CDC45: variants seen among roughly 807,000 people sequenced by gnomAD.
CDC45 encodes cell division control protein 45 homolog.
In CDC45, 54 loss-of-function variants were observed where a neutral mutation model predicts 77.8. The observed-to-expected ratio is 0.69, with a 90% CI of 0.56 to 0.87. CDC45 has a LOEUF of 0.87. CDC45 is among the 40% of genes least tolerant of loss of function. The pLI is 0.00. For missense variants in CDC45, 649 were observed against 721.6 expected (o/e 0.90, Z 1.15); for synonymous variants, 260 against 272.1 (o/e 0.96, Z 0.44).
At chr22:19,508,902 T>C (rs911800743) in intron 13 of CDC45, among the ~76,000 whole-genome samples, 1 of 152,238 alleles carries the variant, frequency 6.6e-6, no homozygotes, top group Non-Finnish European at 1.5e-5. Context: ...GAATCTTTTT[T>C]GGCTTTTTTT....
intron 10 of CDC45, among the ~76,000 whole-genome samples, chr22:19,506,795 A>C (rs1452370319): frequency 6.6e-6 from 1 of 152,146 alleles, no homozygotes; most frequent in Admixed American, 6.5e-5. Context: ...TCAGCCAGGC[A>C]TGGTGGCGGG....
At chr22:19,514,613 C>A in intron 13 of CDC45, 136 bp from the exon 14 acceptor site, 1 of 685,456 alleles carries the variant, frequency 1.5e-6, no homozygotes, top group Non-Finnish European at 2.5e-6. Flanking sequence ...AAAGACAACT[C>A]AGGAGGGAAA....
chr22:19,501,608 C>T (rs1932904585), intron 9 of CDC45, among the ~76,000 whole-genome samples: 1 of 152,158 alleles, frequency 6.6e-6, no homozygotes, highest in Admixed American at 6.5e-5. Flanking sequence ...GGAACGTTTG[C>T]CTAGAAGCAT....
At chr22:19,512,201 T>A (rs768473646) in intron 13 of CDC45, among the ~76,000 whole-genome samples, 18 of 152,166 alleles carry the variant, frequency 1.2e-4, no homozygotes, top group Non-Finnish European at 2.5e-4. Flanking sequence ...CAGGACCCCT[T>A]GCTCATTACC....
intron 6 of CDC45, 78 bp from the exon 7 acceptor site, chr22:19,495,903 A>G (rs138795967): frequency 1.1e-6 from 1 of 900,848 alleles, no homozygotes; most frequent in African/African-American, 1.6e-5. Context: ...AATACTGTCA[A>G]GTTTAGCATT....
intron 10 of CDC45, 76 bp from the exon 11 acceptor site, chr22:19,507,310 T>C: frequency 6.5e-7 from 1 of 1,548,952 alleles, no homozygotes; most frequent in Admixed American, 1.7e-5. Flanking sequence ...GCCATCAGAG[T>C]GGCCCACCTG....
At chr22:19,480,547 T>C (rs2089962855) in intron 2 of CDC45, among the ~76,000 whole-genome samples, 1 of 151,494 alleles carries the variant, frequency 6.6e-6, no homozygotes, top group South Asian at 2.1e-4. Context: ...AATGGGGGAT[T>C]TGAGAGAGAG....
intron 9 of CDC45, chr22:19,505,096 T>C (rs1933088014): frequency 2.1e-6 from 1 of 486,290 alleles, no homozygotes; most frequent in Admixed American, 3.4e-5. Context: ...CTGTGGCCTC[T>C]GCGGTGCCCA....
At chr22:19,496,127 C>A in intron 7 of CDC45, 98 bp downstream of exon 7, 1 of 876,740 alleles carries the variant, frequency 1.1e-6, no homozygotes, top group Non-Finnish European at 1.9e-6. Context: ...GCCACAAAAG[C>A]CTGGTTTGAA....
At chr22:19,481,131 G>T in intron 3 of CDC45, 86 bp downstream of exon 3, 1 of 890,650 alleles carries the variant, frequency 1.1e-6, no homozygotes, top group South Asian at 1.4e-5. Flanking sequence ...GATAGATTAA[G>T]CGTGTATTTA....
intron 15 of CDC45, among the ~76,000 whole-genome samples, chr22:19,515,501 T>C (rs1228583569): frequency 6.6e-6 from 1 of 152,234 alleles, no homozygotes; most frequent in Non-Finnish European, 1.5e-5. Context: ...GGTCCTCACC[T>C]AGCCGACATG....
At chr22:19,511,952 ACT>A (rs760509877) in intron 13 of CDC45, among the ~76,000 whole-genome samples, 9 of 125,162 alleles carry the variant, frequency 7.2e-5, no homozygotes, top group Admixed American at 1.9e-4. Context: ...ACAGGGTCTT[ACT>A]CTGTCACTTA....
In CDC45 at chr22:19,506,134, G is replaced by A. The variant is rs551751001; in HGVS notation, c.824+653G>A. 1.9e-4 allele frequency among the ~76,000 whole-genome samples: 29 copies of A among 152,354 alleles called. No homozygotes were observed. In the East Asian group the frequency reaches 5.4e-3, roughly 28 times the overall value. On this transcript the variant is annotated intron_variant, in intron 10 of 18. Transcript: ENST00000263201. The stretch of plus-strand genomic sequence containing the variant: ...ACACAATAGTGGCTTGGCCCAAACT[G>A]CAGCAGTGGCTGTAAGCAGTCAGAT...
chr22:19,492,234 T>C, intron 5 of CDC45, among the ~76,000 whole-genome samples: 1 of 152,132 alleles, frequency 6.6e-6, no homozygotes, highest in Non-Finnish European at 1.5e-5. Flanking sequence ...GCCCCACAAG[T>C]CCCAGAGGTT....
At position 19,482,707 on chromosome 22, in the gene CDC45, CAT is replaced by C; in HGVS notation, c.224_225del (p.Ile75LysfsTer5). 1 of 1,613,114 alleles carries C rather than the reference CAT, an allele frequency of 6.2e-7. No individual in the cohort carries two copies. Among genetic ancestry groups the C allele is most frequent in the Non-Finnish European group, 8.5e-7 (1 of 1,179,106 alleles). On this transcript the variant is annotated frameshift_variant, in exon 4 of 19. Coordinates refer to ENST00000263201, the MANE Select transcript of CDC45 (RefSeq NM_003504.5). LOFTEE classifies it high-confidence loss of function. ...TTTTTCAGTTTCATTATTTTATTCT[CAT>C]AAACTGTGGAGCTAATGTAGACCTA... Reference protein sequence around the residue: ...HKEQFHYFILINCGANVDLLD... With the variant: ...HKEQFHYFILXNCGANVDLLD...
intron 5 of CDC45, among the ~76,000 whole-genome samples, chr22:19,491,180 A>G (rs950414672): frequency 2.6e-5 from 4 of 152,054 alleles, no homozygotes; most frequent in African/African-American, 9.7e-5. Context: ...AATTTTCTTA[A>G]ATATTTCCTC....
At chr22:19,513,493 T>C (rs898337829) in intron 13 of CDC45, among the ~76,000 whole-genome samples, 9 of 152,216 alleles carry the variant, frequency 5.9e-5, no homozygotes, top group Non-Finnish European at 1.0e-4. Flanking sequence ...TCCAAACTCC[T>C]TCCAGCTGTT....
At chr22:19,509,722 T>C (rs1350082038) in intron 13 of CDC45, among the ~76,000 whole-genome samples, 1 of 152,212 alleles carries the variant, frequency 6.6e-6, no homozygotes, top group Admixed American at 6.5e-5. Context: ...AAATTTCATT[T>C]CCCTGACTTT....
chr22:19,494,885 C>G (rs1219652819), intron 6 of CDC45, among the ~76,000 whole-genome samples: 1 of 152,158 alleles, frequency 6.6e-6, no homozygotes, highest in Non-Finnish European at 1.5e-5. Flanking sequence ...AGGAGGAAGG[C>G]TGCCCCCTCG....
Sources: allele counts gnomAD v4.1 joint callset (sites outside exome capture counted in the v4.1 genomes callset), GRCh38; gene constraint gnomAD v4.1.1; transcripts MANE v1.5; gene names NCBI Gene and HGNC (gene_info 2026-07-23, HGNC 2026-07-21).